SHISA9: variants seen among roughly 807,000 people sequenced by gnomAD.
SHISA9 encodes the protein protein shisa-9.
In SHISA9, 13 loss-of-function variants were observed where a neutral mutation model predicts 38.0. The ratio of observed to expected loss-of-function variants is 0.34; its 90% confidence interval spans 0.22 to 0.54. The LOEUF is 0.54. SHISA9 is among the 20% of genes least tolerant of loss of function. The probability of loss-of-function intolerance (pLI) is 0.91; values close to 1 mark genes in which losing one functional copy is unlikely to be tolerated. For synonymous variants in SHISA9, 275 were observed against 242.0 expected, an observed-to-expected ratio of 1.14 and a Z score of -1.27; for missense variants, 538 against 575.8, an observed-to-expected ratio of 0.93 and a Z score of 0.67.
chr16:13,096,327 G>A (rs747054558), intron 2 of SHISA9, among the ~76,000 whole-genome samples: 4 of 152,118 alleles, frequency 2.6e-5, no homozygotes, highest in African/African-American at 4.8e-5. Flanking sequence ...CAAGCCTTGC[G>A]ACACAGAATG....
At chr16:12,925,815 G>A (rs949411857) in intron 2 of SHISA9, among the ~76,000 whole-genome samples, 1 of 152,130 alleles carries the variant, frequency 6.6e-6, no homozygotes, top group Non-Finnish European at 1.5e-5. Flanking sequence ...TACTTAGTGT[G>A]GATTGAAAGG....
At chr16:13,073,417 G>T (rs1005784299) in intron 2 of SHISA9, among the ~76,000 whole-genome samples, 4 of 152,146 alleles carry the variant, frequency 2.6e-5, no homozygotes, top group African/African-American at 9.7e-5. Context: ...AAGTCACTTG[G>T]ATGTGGAGTA....
the SHISA9 span, among the ~76,000 whole-genome samples, chr16:13,253,353 G>C: frequency 6.6e-6 from 1 of 152,160 alleles, no homozygotes; most frequent in East Asian, 1.9e-4. Context: ...AACGTCATCA[G>C]TGCTTATGGG....
the SHISA9 span, among the ~76,000 whole-genome samples, chr16:13,484,101 C>T: frequency 2.2e-3 from 336 of 152,162 alleles, no homozygotes; most frequent in Non-Finnish European, 3.7e-3. Flanking sequence ...TATCTCCAGG[C>T]AGATAGTGTA....
intron 2 of SHISA9, among the ~76,000 whole-genome samples, chr16:12,998,427 C>T (rs1213305269): frequency 1.3e-5 from 2 of 152,212 alleles, no homozygotes; most frequent in Non-Finnish European, 2.9e-5. Flanking sequence ...TGTAGCTCTA[C>T]CATCCCTTGG....
chr16:13,114,089 T>C (rs1296017440), intron 2 of SHISA9, among the ~76,000 whole-genome samples: 4 of 152,172 alleles, frequency 2.6e-5, no homozygotes, highest in Non-Finnish European at 5.9e-5. Flanking sequence ...GCTTAACAAT[T>C]AGCAAACTCA....
chr16:13,011,537 T>C (rs76771995), intron 2 of SHISA9, among the ~76,000 whole-genome samples: 154 of 152,248 alleles, frequency 1.0e-3, no homozygotes, highest in Non-Finnish European at 1.7e-3. Flanking sequence ...ACTTTCTTTT[T>C]TGGAGTTGGA....
At chr16:13,389,207 C>T in the SHISA9 span, among the ~76,000 whole-genome samples, 1 of 152,200 alleles carries the variant, frequency 6.6e-6, no homozygotes, top group Non-Finnish European at 1.5e-5. Context: ...TAAAAATCCT[C>T]TGTCCTCCAC....
the SHISA9 span, among the ~76,000 whole-genome samples, chr16:13,468,710 C>G: frequency 6.6e-6 from 1 of 152,152 alleles, no homozygotes; most frequent in Non-Finnish European, 1.5e-5. Context: ...AGGTGTATGA[C>G]TCACATCTGC....
chr16:13,561,299 G>A, the SHISA9 span, among the ~76,000 whole-genome samples: 3 of 152,138 alleles, frequency 2.0e-5, no homozygotes, highest in African/African-American at 7.2e-5. Flanking sequence ...GAGAATCAGT[G>A]GTCTCCTCCC....
At chr16:13,319,217 C>T in the SHISA9 span, among the ~76,000 whole-genome samples, 1 of 152,166 alleles carries the variant, frequency 6.6e-6, no homozygotes, top group African/African-American at 2.4e-5. Context: ...CCGTATTGGC[C>T]AGGCTGGTCT....
chr16:13,123,668 T>C (rs1321108019), intron 2 of SHISA9, among the ~76,000 whole-genome samples: 22 of 152,222 alleles, frequency 1.4e-4, no homozygotes, highest in Admixed American at 1.4e-3. Flanking sequence ...TTTGAGATAG[T>C]GAACTTATAA....
rs77363827 is a variant in SHISA9 at position 13,111,940 on chromosome 16, G to T, written c.692-91454G>T. Among the ~76,000 whole-genome samples the T allele has an allele frequency of 7.2e-3, 1,090 of 152,284 alleles. 19 individuals are homozygous for T. Among genetic ancestry groups the T allele is most frequent in the African/African-American group, 0.025 (1,055 of 41,556 alleles). ...TGTATTTGCAGATGAGAAAACTGAG[G>T]CTCAGAGAGGTTAGGAAACTTGCCT... is the stretch of plus-strand genomic sequence containing the variant. On this transcript the variant is annotated intron_variant, in intron 2 of 4. Coordinates refer to ENST00000558583, the MANE Select transcript of SHISA9 (RefSeq NM_001145204.3).
chr16:12,960,783 C>T (rs922605215), intron 2 of SHISA9, among the ~76,000 whole-genome samples: 4 of 152,248 alleles, frequency 2.6e-5, no homozygotes, highest in African/African-American at 7.2e-5. Flanking sequence ...CGTCCTCTTC[C>T]CTCCTCTCCA....
At chr16:13,558,555 T>C in the SHISA9 span, among the ~76,000 whole-genome samples, 1 of 152,324 alleles carries the variant, frequency 6.6e-6, no homozygotes, top group East Asian at 1.9e-4. Context: ...AGGCATCTTA[T>C]GTAACATATA....
intron 2 of SHISA9, among the ~76,000 whole-genome samples, chr16:13,042,609 T>C (rs1008758123): frequency 6.6e-5 from 10 of 152,200 alleles, no homozygotes; most frequent in African/African-American, 2.2e-4. Context: ...GTGATGATTT[T>C]CTGGTCCTTT....
chr16:12,979,165 T>G (rs1285165707), intron 2 of SHISA9, among the ~76,000 whole-genome samples: 1 of 152,212 alleles, frequency 6.6e-6, no homozygotes, highest in East Asian at 1.9e-4. Flanking sequence ...CTTGCATGGT[T>G]TATAGCCACA....
chr16:13,189,996 T>C (rs2050867240), intron 2 of SHISA9, among the ~76,000 whole-genome samples: 1 of 151,734 alleles, frequency 6.6e-6, no homozygotes, highest in Non-Finnish European at 1.5e-5. Context: ...CTGGGGCTAT[T>C]GAGTGAAGGG....
intron 2 of SHISA9, among the ~76,000 whole-genome samples, chr16:13,109,860 G>A (rs373615656): frequency 1.3e-5 from 2 of 152,120 alleles, no homozygotes; most frequent in Admixed American, 6.5e-5. Flanking sequence ...TTTTATTGCT[G>A]CATAATATTC....
Sources: allele counts gnomAD v4.1 joint callset (sites outside exome capture counted in the v4.1 genomes callset), GRCh38; gene constraint gnomAD v4.1.1; transcripts MANE v1.5; gene names NCBI Gene and HGNC (gene_info 2026-07-23, HGNC 2026-07-21).